Variants in RBPMS observed in about 807,000 individuals in gnomAD.
RBPMS encodes the protein RNA-binding protein with multiple splicing.
A neutral mutation model predicts 26.8 loss-of-function variants in RBPMS; 7 were observed. The ratio of observed to expected loss-of-function variants is 0.26; its 90% CI spans 0.15 to 0.49. RBPMS has a LOEUF of 0.49. Ranked by LOEUF, RBPMS falls within the 20% of genes least tolerant of loss-of-function variation. RBPMS has a pLI of 0.98. For missense variants in RBPMS, 186 were observed against 250.0 expected (o/e 0.74, Z 1.73); for synonymous variants, 96 against 93.3 (o/e 1.03, Z -0.17).
intron 5 of RBPMS, chr8:30,537,667 CTG>C (rs1824937170): frequency 2.2e-6 from 1 of 455,932 alleles, no homozygotes; most frequent in Non-Finnish European, 4.4e-6. Flanking sequence ...CATCCTGGCT[CTG>C]TGAGAGTCGT....
At chr8:30,448,239 A>G (rs1397329864) in intron 1 of RBPMS, among the ~76,000 whole-genome samples, 15 of 152,184 alleles carry the variant, frequency 9.9e-5, no homozygotes, top group Admixed American at 7.2e-4. Context: ...AAGCATTGCA[A>G]GAGTTAACTT....
At chr8:30,513,025 A>G (rs190649027) in intron 5 of RBPMS, among the ~76,000 whole-genome samples, 2 of 143,760 alleles carry the variant, frequency 1.4e-5, no homozygotes, top group Admixed American at 1.4e-4. Flanking sequence ...GATTTTGGGA[A>G]GAGGTGGTAG....
chr8:30,520,533 T>C (rs183883809), intron 5 of RBPMS, among the ~76,000 whole-genome samples: 22 of 152,334 alleles, frequency 1.4e-4, no homozygotes, highest in Admixed American at 1.3e-3. Flanking sequence ...GACCTTGTTT[T>C]GGAATGTCCA....
intron 1 of RBPMS, among the ~76,000 whole-genome samples, chr8:30,443,768 T>A (rs370570203): frequency 6.6e-6 from 1 of 151,694 alleles, no homozygotes. Context: ...CAGCGAATTT[T>A]TGTATTTTAG....
intron 1 of RBPMS, among the ~76,000 whole-genome samples, chr8:30,447,921 A>T (rs1006114731): frequency 2.6e-5 from 4 of 152,190 alleles, no homozygotes; most frequent in African/African-American, 7.2e-5. Flanking sequence ...TTGCTAGATG[A>T]TGGATTATAG....
chr8:30,434,078 C>T (rs1812198750), intron 1 of RBPMS, among the ~76,000 whole-genome samples: 1 of 151,892 alleles, frequency 6.6e-6, no homozygotes, highest in Non-Finnish European at 1.5e-5. Context: ...GTTTACACCA[C>T]TGCACTCCAG....
chr8:30,516,199 G>A (rs1194692894), intron 5 of RBPMS, among the ~76,000 whole-genome samples: 1 of 152,132 alleles, frequency 6.6e-6, no homozygotes, highest in African/African-American at 2.4e-5. Flanking sequence ...GGCCAATATG[G>A]TGAAACCCAA....
intron 4 of RBPMS, among the ~76,000 whole-genome samples, chr8:30,487,943 A>G (rs1390574474): frequency 1.3e-5 from 2 of 150,644 alleles, no homozygotes; most frequent in East Asian, 3.9e-4. Flanking sequence ...GATATATAAG[A>G]TTTTTTTTTT....
chr8:30,525,054 T>C (rs1823434447), intron 5 of RBPMS, among the ~76,000 whole-genome samples: 1 of 152,198 alleles, frequency 6.6e-6, no homozygotes, highest in South Asian at 2.1e-4. Context: ...AATCATTTTA[T>C]TGTAAATGTT....
At chr8:30,487,861 G>C (rs1818958882) in intron 4 of RBPMS, among the ~76,000 whole-genome samples, 2 of 152,188 alleles carry the variant, frequency 1.3e-5, no homozygotes, top group Admixed American at 6.5e-5. Context: ...TAAAAATCTA[G>C]TGTAAAGTTT....
At chr8:30,479,449 G>C (rs114566046) in intron 4 of RBPMS, 72 bp downstream of exon 4, 10 of 1,094,478 alleles carry the variant, frequency 9.1e-6, no homozygotes, top group South Asian at 1.3e-5. Flanking sequence ...CTCTTTGGAC[G>C]GGAAATCAAG....
At chr8:30,493,109 G>A (rs1358171197) in intron 4 of RBPMS, among the ~76,000 whole-genome samples, 1 of 152,122 alleles carries the variant, frequency 6.6e-6, no homozygotes, top group African/African-American at 2.4e-5. Context: ...AGTTTCTTTG[G>A]TGTCACTTGA....
At chr8:30,533,718 T>C (rs1258726008) in intron 5 of RBPMS, among the ~76,000 whole-genome samples, 1 of 152,194 alleles carries the variant, frequency 6.6e-6, no homozygotes, top group East Asian at 1.9e-4. Context: ...CTCAAAGAAG[T>C]GTAGAACAGA....
At chr8:30,545,102 A>G in intron 6 of RBPMS, 1 of 1,348,878 alleles carries the variant, frequency 7.4e-7, no homozygotes, top group Non-Finnish European at 9.7e-7. Flanking sequence ...TCCAGGGGGG[A>G]AGGCTGTACT....
At chr8:30,509,498 C>G (rs1230157597) in intron 5 of RBPMS, among the ~76,000 whole-genome samples, 2 of 152,190 alleles carry the variant, frequency 1.3e-5, no homozygotes, top group African/African-American at 2.4e-5. Context: ...CTCACACATT[C>G]CCTCCCAGAG....
chr8:30,415,789 T>G (rs1331931230), intron 1 of RBPMS, among the ~76,000 whole-genome samples: 1 of 152,200 alleles, frequency 6.6e-6, no homozygotes, highest in Non-Finnish European at 1.5e-5. Flanking sequence ...GCTTTTCCTC[T>G]GGTCTTTGAA....
At chr8:30,538,951 G>C (rs138260100) in intron 5 of RBPMS, among the ~76,000 whole-genome samples, 1 of 152,190 alleles carries the variant, frequency 6.6e-6, no homozygotes, top group East Asian at 1.9e-4. Context: ...AGCTGGCGTG[G>C]GCTACATTCT....
chr8:30,463,574 A>C (rs1816184669), intron 1 of RBPMS, among the ~76,000 whole-genome samples: 1 of 152,256 alleles, frequency 6.6e-6, no homozygotes, highest in Non-Finnish European at 1.5e-5. Flanking sequence ...CTTAGAAGTC[A>C]TACACTGTCA....
intron 1 of RBPMS, among the ~76,000 whole-genome samples, chr8:30,417,965 TACC>T (rs1386356224): frequency 3.9e-5 from 6 of 152,254 alleles, no homozygotes; most frequent in Non-Finnish European, 7.3e-5. Flanking sequence ...TGATATGTGT[TACC>T]ATACGTAACA....
Sources: gnomAD v4.1 joint callset for allele counts (sites outside exome capture counted in the v4.1 genomes callset) on GRCh38, gnomAD v4.1.1 for gene constraint, MANE v1.5 for transcripts, NCBI Gene and HGNC (gene_info 2026-07-23, HGNC 2026-07-21) for gene names.